The following GMDS variants were observed in gnomAD, a reference collection of about 807,000 sequenced individuals.
The protein encoded by GMDS is GDP-mannose 4,6-dehydratase, also known as GDP-mannose 4,6 dehydratase.
GMDS carries 20 observed loss-of-function variants against 49.9 expected under a neutral mutation model. The ratio of observed to expected loss-of-function variants is 0.40; its 90% confidence interval spans 0.28 to 0.58. The LOEUF (loss-of-function observed/expected upper bound fraction) is 0.58. Among genes scored for constraint, GMDS ranks in the 20% least tolerant of loss-of-function variants. The pLI, the probability that GMDS is intolerant of heterozygous loss-of-function variation, is 0.42. For missense variants in GMDS, 362 were observed against 481.4 expected, an observed-to-expected ratio of 0.75 and a Z score of 2.32; for synonymous variants, 177 against 178.6, an observed-to-expected ratio of 0.99 and a Z score of 0.07.
chr6:1,976,709 T>C (rs573363094), intron 4 of GMDS, among the ~76,000 whole-genome samples: 1 of 152,326 alleles, frequency 6.6e-6, no homozygotes, highest in East Asian at 1.9e-4. Flanking sequence ...GGTATTAATG[T>C]TTAGTAGTAT....
rs539015871 is a variant in GMDS at position 1,706,842 on chromosome 6, CT to C, written c.987+19573del. 2.0e-5 allele frequency among the ~76,000 whole-genome samples: 3 copies of C among 152,284 alleles called. No homozygotes were observed. The South Asian group carries it at 6.2e-4, about 32-fold the overall frequency. On this transcript the variant is annotated intron_variant, in intron 9 of 10. Transcript: ENST00000380815. ...ATGGACACGGACTTTAATGGATTTG[CT>C]GCATGGTGGCATTTGGAAGGACTGT...
chr6:2,179,146 C>A (rs1452995037), intron 1 of GMDS, among the ~76,000 whole-genome samples: 1 of 152,262 alleles, frequency 6.6e-6, no homozygotes, highest in East Asian at 1.9e-4. Flanking sequence ...CGTTATAGTA[C>A]AAATATTACA....
chr6:1,851,126 G>A (rs747831935), intron 7 of GMDS, among the ~76,000 whole-genome samples: 31 of 152,300 alleles, frequency 2.0e-4, no homozygotes, highest in African/African-American at 7.2e-4. Flanking sequence ...GGTTGTGGAC[G>A]GGAATGTTCC....
chr6:2,203,380 G>C (rs945232876), intron 1 of GMDS, among the ~76,000 whole-genome samples: 3 of 152,180 alleles, frequency 2.0e-5, no homozygotes, highest in African/African-American at 7.2e-5. Flanking sequence ...GCTGCCAGCT[G>C]TTATTTAAAC....
chr6:2,062,216 T>G (rs557557830), intron 4 of GMDS, among the ~76,000 whole-genome samples: 462 of 152,282 alleles, frequency 3.0e-3, no homozygotes, highest in South Asian at 0.011. Flanking sequence ...AGCATCTACC[T>G]GAGGCGCTGG....
At chr6:1,748,150 G>T (rs1431949240) in intron 7 of GMDS, among the ~76,000 whole-genome samples, 1 of 152,100 alleles carries the variant, frequency 6.6e-6, no homozygotes, top group Non-Finnish European at 1.5e-5. Context: ...CCAGGTTGGG[G>T]TTAATGTTTC....
chr6:1,743,411 G>C (rs5017133), intron 7 of GMDS, among the ~76,000 whole-genome samples: 61,789 of 146,882 alleles, frequency 0.42, 13,637 homozygotes, highest in East Asian at 0.64. Flanking sequence ...GGCGTGGTGG[G>C]GGGCGCCTGT....
chr6:2,098,012 A>G (rs1773707068), intron 4 of GMDS, among the ~76,000 whole-genome samples: 1 of 152,076 alleles, frequency 6.6e-6, no homozygotes, highest in African/African-American at 2.4e-5. Flanking sequence ...GTTTTAAGAA[A>G]AAAAAAAAAA....
intron 7 of GMDS, among the ~76,000 whole-genome samples, chr6:1,828,821 T>C (rs1561831876): frequency 6.6e-6 from 1 of 152,174 alleles, no homozygotes. Context: ...AAATGTAGCA[T>C]AGTTGACCCT....
At chr6:1,878,354 C>T (rs954994387) in intron 7 of GMDS, among the ~76,000 whole-genome samples, 3 of 139,252 alleles carry the variant, frequency 2.2e-5, no homozygotes, top group South Asian at 2.4e-4. Flanking sequence ...CCAGGCAAAA[C>T]AATCGATGTG....
chr6:2,113,116 C>T (rs1015391741), intron 4 of GMDS, among the ~76,000 whole-genome samples: 4 of 152,152 alleles, frequency 2.6e-5, no homozygotes, highest in Non-Finnish European at 5.9e-5. Context: ...CAAAAGGGAA[C>T]TTATTTCTCC....
Position 1,787,835 on chromosome 6 carries a change from T to C in GMDS, c.772-45249A>G, listed in dbSNP as rs566000506. On this transcript the variant is annotated intron_variant, in intron 7 of 10. Coordinates refer to ENST00000380815, the MANE Select transcript of GMDS (RefSeq NM_001500.4). ...GACACACACACTTTTGTAAACTTTT[T>C]AACCCTAAGGTTTTGCTGGCAAATG... Among the ~76,000 whole-genome samples, 4 of 152,356 alleles carry C rather than the reference T, an allele frequency of 2.6e-5. No individual in the cohort carries two copies. In the East Asian group the frequency reaches 7.7e-4, roughly 29 times the overall value.
Position 2,171,438 on chromosome 6 carries a change from C to A in GMDS, c.103-46707G>T, listed in dbSNP as rs572370210. 1.6e-4 allele frequency among the ~76,000 whole-genome samples: 25 copies of A among 152,120 alleles called. No individual in the cohort carries two copies. The East Asian group carries it at 4.2e-3, about 26-fold the overall frequency. On this transcript the variant is annotated intron_variant, in intron 1 of 10. Transcript: ENST00000380815. ...AAGATCAACTACCCGAACAGACAAGCAAATGGCAAAAATAAATAAATAAAT... is the reference window on the plus strand; with the variant it reads ...AAGATCAACTACCCGAACAGACAAGAAAATGGCAAAAATAAATAAATAAAT...
chr6:1,944,635 A>C (rs1762982709), intron 6 of GMDS, among the ~76,000 whole-genome samples: 1 of 145,544 alleles, frequency 6.9e-6, no homozygotes, highest in Admixed American at 7.1e-5. Context: ...GTGCCACTGC[A>C]CTCCAGCCTG....
intron 7 of GMDS, among the ~76,000 whole-genome samples, chr6:1,858,290 C>A (rs984483414): frequency 6.6e-6 from 1 of 152,072 alleles, no homozygotes. Context: ...TCAGATGGAC[C>A]GGGTTAACAA....
intron 1 of GMDS, among the ~76,000 whole-genome samples, chr6:2,239,749 G>C (rs920911576): frequency 2.0e-5 from 3 of 150,988 alleles, no homozygotes; most frequent in Admixed American, 1.3e-4. Context: ...GCAGTGGCAC[G>C]ATCTCGGCTC....
intron 7 of GMDS, among the ~76,000 whole-genome samples, chr6:1,889,144 A>G (rs1235990413): frequency 6.6e-6 from 1 of 152,178 alleles, no homozygotes; most frequent in Non-Finnish European, 1.5e-5. Flanking sequence ...AGGGCTGACT[A>G]TGCTACTTTC....
intron 1 of GMDS, among the ~76,000 whole-genome samples, chr6:2,232,503 G>A (rs987031133): frequency 6.6e-6 from 1 of 152,114 alleles, no homozygotes; most frequent in Non-Finnish European, 1.5e-5. Flanking sequence ...CCACTTTCAT[G>A]TTTCTTAGAG....
intron 6 of GMDS, among the ~76,000 whole-genome samples, chr6:1,948,030 T>C (rs1409360731): frequency 6.6e-6 from 1 of 152,212 alleles, no homozygotes; most frequent in Non-Finnish European, 1.5e-5. Context: ...GTAATAATAA[T>C]GACGTGCTAA....
Sources: allele counts gnomAD v4.1 joint callset (sites outside exome capture counted in the v4.1 genomes callset), GRCh38; gene constraint gnomAD v4.1.1; transcripts MANE v1.5; gene names NCBI Gene and HGNC (gene_info 2026-07-23, HGNC 2026-07-21).